SLC25A47: variants seen among roughly 807,000 people sequenced by gnomAD.
SLC25A47 encodes the protein HCC-down-regulated mitochondrial carrier protein.
In SLC25A47, 30 loss-of-function variants were observed where a neutral mutation model predicts 29.8. The observed-to-expected ratio is 1.01, with a 90% CI of 0.75 to 1.36. The LOEUF is 1.36. Among genes scored for constraint, SLC25A47 ranks in the 40% most tolerant of loss-of-function variants. The pLI, the probability that SLC25A47 is intolerant of heterozygous loss-of-function variation, is 0.00. For synonymous variants in SLC25A47, 204 were observed against 197.8 expected (o/e 1.03, Z -0.26); for missense variants, 430 against 441.9 (o/e 0.97, Z 0.24).
chr14:100,328,246 G>A (rs1044296395), intron 4 of SLC25A47, among the ~76,000 whole-genome samples: 3 of 151,904 alleles, frequency 2.0e-5, no homozygotes, highest in Non-Finnish European at 4.4e-5. Context: ...TGAGTAGCTG[G>A]GACTACAGGC....
intron 4 of SLC25A47, 22 bp downstream of exon 4, chr14:100,327,392 G>A: frequency 6.3e-7 from 1 of 1,575,410 alleles, no homozygotes; most frequent in Non-Finnish European, 8.6e-7. Flanking sequence ...CAGCCAGGGT[G>A]GGGAAGGCCC....
At chr14:100,324,913 G>A (rs1048466414) in intron 1 of SLC25A47, among the ~76,000 whole-genome samples, 1 of 152,188 alleles carries the variant, frequency 6.6e-6, no homozygotes, top group East Asian at 1.9e-4. Context: ...GGAGCCTGGT[G>A]AGGTGTGTGA....
At position 100,327,737 on chromosome 14, in the gene SLC25A47, C is replaced by T. The variant is rs1321641841; in HGVS notation, c.327+367C>T. 2.6e-5 allele frequency among the ~76,000 whole-genome samples: 4 copies of T among 152,376 alleles called. No homozygotes were observed. In the South Asian group the frequency reaches 6.2e-4, roughly 24 times the overall value. On this transcript the variant is annotated intron_variant, in intron 4 of 5. Transcript: ENST00000361529. ...ACGGAGATGCCTGAACACAGTCGGC[C>T]ATTGCTGGATGTGGGCATTTCTCCA...
At chr14:100,323,976 C>T (rs911705557) in intron 1 of SLC25A47, among the ~76,000 whole-genome samples, 8 of 152,172 alleles carry the variant, frequency 5.3e-5, no homozygotes, top group Non-Finnish European at 1.2e-4. Context: ...GCTGGAGAAA[C>T]CGTTCTCCCT....
At chr14:100,327,611 G>T (rs577943279) in intron 4 of SLC25A47, among the ~76,000 whole-genome samples, 3 of 152,186 alleles carry the variant, frequency 2.0e-5, no homozygotes, top group Admixed American at 2.0e-4. Context: ...TCAGGAAGGG[G>T]GCTGTGACCA....
intron 2 of SLC25A47, 46 bp from the exon 3 acceptor site, chr14:100,326,111 C>G (rs1278713842): frequency 1.3e-6 from 2 of 1,536,288 alleles, no homozygotes; most frequent in African/African-American, 2.7e-5. Flanking sequence ...GCTGGCCTTG[C>G]CCTAGGCCTG....
chr14:100,325,813 C>A lies in SLC25A47; in HGVS notation c.54C>A (p.Tyr18Ter), dbSNP rs1893328381. Residue 18 changes from tyrosine to a stop codon, truncating the protein, a stop_gained, in exon 2 of 6, where the codon TAC (tyrosine) becomes TAA (stop). Coordinates refer to ENST00000361529, the MANE Select transcript of SLC25A47 (RefSeq NM_207117.4). LOFTEE classifies it high-confidence loss of function. ...IGGVCGVAVG[Y>*]PLDTVKVRIQ... is the part of the protein sequence containing the mutation. ...GCGTCTGCGGTGTTGCTGTGGGCTA[C>A]CCCCTGGACACGGTGAAGGTGCGGC... 2 of 1,612,364 alleles carry A rather than the reference C, an allele frequency of 1.2e-6. No homozygotes were observed. Among genetic ancestry groups the A allele is most frequent in the Non-Finnish European group, 8.5e-7 (1 of 1,179,068 alleles).
chr14:100,329,116 C>A, intron 5 of SLC25A47, 72 bp downstream of exon 5: 1 of 1,496,204 alleles, frequency 6.7e-7, no homozygotes, highest in East Asian at 2.3e-5. Context: ...GGTCGTGCTG[C>A]CCGCCAGTAC....
intron 1 of SLC25A47, among the ~76,000 whole-genome samples, chr14:100,323,891 G>A (rs957476781): frequency 2.6e-5 from 4 of 152,278 alleles, no homozygotes; most frequent in South Asian, 2.1e-4. Flanking sequence ...GGGGCCTGGC[G>A]AGGTGGCTCC....
chr14:100,330,229 C>T lies in SLC25A47; in HGVS notation c.*584C>T, dbSNP rs1893426982. The T allele has an allele frequency of 6.4e-6, 1 of 155,194 alleles. No individual in the cohort carries two copies. The highest frequency in any genetic ancestry group is 2.4e-5 in the African/African-American group (1 of 41,476). 9.6% of individuals were successfully genotyped at this position (155,194 alleles called of 1,614,324 possible). On this transcript the variant is annotated 3_prime_UTR_variant, in exon 6 of 6. Transcript: ENST00000361529. Reference sequence around the variant, plus strand: ...GACTGCCATGCCCACCTGAGAGGGGCCTGGGGTGGCCGTCCTCGGCCGGTT... The same window carrying T: ...GACTGCCATGCCCACCTGAGAGGGGTCTGGGGTGGCCGTCCTCGGCCGGTT...
chr14:100,327,213 C>T lies in SLC25A47; in HGVS notation c.170C>T (p.Ser57Leu), dbSNP rs117307527. The part of the protein sequence containing the change: ...ERVWGFYRGL[S>L]LPVCTVSLVS... ...GTGTGGGGCTTCTACCGGGGCCTCT[C>T]GCTGCCCGTGTGCACGGTGTCCCTG... Residue 57 changes from serine (S) to leucine (L), a missense_variant, in exon 4 of 6, where the codon TCG becomes TTG. Transcript: ENST00000361529. 2.7e-5 allele frequency: 43 copies of T among 1,608,536 alleles called. No homozygotes were observed. Among genetic ancestry groups the T allele is most frequent in the East Asian group, 6.7e-5 (3 of 44,850 alleles).
chr14:100,326,024 C>G, intron 2 of SLC25A47, 133 bp from the exon 3 acceptor site: 1 of 963,366 alleles, frequency 1.0e-6, no homozygotes, highest in South Asian at 1.6e-5. Context: ...TAACACAAGG[C>G]TCCCTGTCCC....
At chr14:100,325,222 C>G (rs530909360) in intron 1 of SLC25A47, among the ~76,000 whole-genome samples, 1 of 152,226 alleles carries the variant, frequency 6.6e-6, no homozygotes, top group Non-Finnish European at 1.5e-5. Flanking sequence ...TCCCGGCCCT[C>G]TCTCTTCCAC....
intron 2 of SLC25A47, 68 bp downstream of exon 2, chr14:100,325,899 C>A: frequency 1.3e-6 from 2 of 1,534,658 alleles, no homozygotes; most frequent in Non-Finnish European, 1.8e-6. Flanking sequence ...GGAGACTTTT[C>A]TAGAATGCTA....
In SLC25A47 at chr14:100,323,375, C is replaced by A. The variant is rs1445134166; in HGVS notation, c.-40C>A. Reference sequence around the variant, plus strand: ...CACCCTGGTGGCACCAAAGCCCTCTCAGGCAGGCAGACCCAGGGCCTCCCC... The same window carrying A: ...CACCCTGGTGGCACCAAAGCCCTCTAAGGCAGGCAGACCCAGGGCCTCCCC... On this transcript the variant is annotated 5_prime_UTR_variant, in exon 1 of 6. Coordinates refer to ENST00000361529, the MANE Select transcript of SLC25A47 (RefSeq NM_207117.4). 6.2e-7 allele frequency: 1 copy of A among 1,611,842 alleles called. No individual in the cohort carries two copies. Among genetic ancestry groups the A allele is most frequent in the South Asian group, 1.1e-5 (1 of 91,016 alleles).
Position 100,329,549 on chromosome 14 carries a change from G to T in SLC25A47, c.831G>T (p.Gly277=), listed in dbSNP as rs779450836. Reference sequence around the variant, plus strand: ...AGGGACCCCGGGTCCTTTTCAAGGGGCTGGTACTCAATTGCTGCCGCGCCT... The same window carrying T: ...AGGGACCCCGGGTCCTTTTCAAGGGTCTGGTACTCAATTGCTGCCGCGCCT... ...REEGPRVLFK[G]LVLNCCRAFP... is the part of the protein sequence containing the mutation. The change falls in exon 6 of 6, where the codon GGG becomes GGT. Residue 277 remains glycine (G), a synonymous_variant. Transcript: ENST00000361529. 7 of 1,613,650 alleles carry T rather than the reference G, an allele frequency of 4.3e-6. No homozygotes were observed. The East Asian group carries it at 1.3e-4, about 31-fold the overall frequency.
At chr14:100,323,568 C>A in intron 1 of SLC25A47, 126 bp downstream of exon 1, 2 of 1,159,550 alleles carry the variant, frequency 1.7e-6, no homozygotes, top group Non-Finnish European at 1.3e-6. Flanking sequence ...CCAGGATCTG[C>A]CAGGAGCAGA....
chr14:100,326,780 C>A (rs1259622242), intron 3 of SLC25A47, among the ~76,000 whole-genome samples: 1 of 152,200 alleles, frequency 6.6e-6, no homozygotes, highest in Admixed American at 6.5e-5. Context: ...TCAAGACAAG[C>A]CTTGCCAACA....
chr14:100,329,147 G>C (rs1893400678), intron 5 of SLC25A47, 103 bp downstream of exon 5: 1 of 1,363,664 alleles, frequency 7.3e-7, no homozygotes, highest in African/African-American at 1.5e-5. Flanking sequence ...GCTTGAACTT[G>C]GCCTCCTGCC....
Sources: allele counts gnomAD v4.1 joint callset (sites outside exome capture counted in the v4.1 genomes callset), GRCh38; gene constraint gnomAD v4.1.1; transcripts MANE v1.5; gene names NCBI Gene and HGNC (gene_info 2026-07-23, HGNC 2026-07-21).